Variants in GRIN2A observed in about 807,000 individuals in gnomAD.
GRIN2A encodes glutamate ionotropic receptor NMDA type subunit 2A.
GRIN2A carries 22 observed loss-of-function variants against 113.4 expected under a neutral mutation model. That is an observed-to-expected ratio of 0.19 (90% CI 0.14 to 0.28). The LOEUF (loss-of-function observed/expected upper bound fraction) is 0.28. Among genes scored for constraint, GRIN2A ranks in the 10% least tolerant of loss-of-function variants. The pLI, the probability that GRIN2A is intolerant of heterozygous loss-of-function variation, is 1.00. For missense variants in GRIN2A, 1,502 were observed against 1,887.0 expected (o/e 0.80, Z 3.78); for synonymous variants, 827 against 738.4 (o/e 1.12, Z -1.94).
intron 2 of GRIN2A, among the ~76,000 whole-genome samples, chr16:10,103,960 C>T (rs1338180228): frequency 6.6e-6 from 1 of 152,230 alleles, no homozygotes; most frequent in African/African-American, 2.4e-5. Context: ...TATTCAGGAA[C>T]CACTTCCAGC....
intron 2 of GRIN2A, among the ~76,000 whole-genome samples, chr16:10,122,258 C>T (rs554338697): frequency 7.7e-4 from 118 of 152,310 alleles, no homozygotes; most frequent in African/African-American, 2.7e-3. Flanking sequence ...ACAGGAGAAA[C>T]CTGGCACTGT....
intron 2 of GRIN2A, among the ~76,000 whole-genome samples, chr16:10,153,002 T>C (rs554171665): frequency 3.3e-5 from 5 of 152,326 alleles, no homozygotes; most frequent in Admixed American, 2.0e-4. Flanking sequence ...TATGTCACTA[T>C]AGTGGTGGAT....
At chr16:9,862,508 C>T (rs1015036864) in intron 4 of GRIN2A, among the ~76,000 whole-genome samples, 1 of 152,160 alleles carries the variant, frequency 6.6e-6, no homozygotes, top group Non-Finnish European at 1.5e-5. Context: ...AGGGGAAGAG[C>T]TCAATGCTTG....
chr16:9,921,785 C>G (rs1388147530), intron 3 of GRIN2A, among the ~76,000 whole-genome samples: 1 of 152,116 alleles, frequency 6.6e-6, no homozygotes, highest in Non-Finnish European at 1.5e-5. Context: ...CACAAAGAAC[C>G]TAGAAGGTGT....
At position 9,806,095 on chromosome 16, in the gene GRIN2A, G is replaced by A. The variant is rs186002762; in HGVS notation, c.2169-7631C>T. 5.3e-5 allele frequency among the ~76,000 whole-genome samples: 8 copies of A among 152,276 alleles called. No homozygotes were observed. In the East Asian group the frequency reaches 9.6e-4, roughly 18 times the overall value. On this transcript the variant is annotated intron_variant, in intron 10 of 12. Transcript: ENST00000330684. Reference sequence around the variant, plus strand: ...CTCCCTTAAGCTAATTTAATTCCTCGATCGATGTCTTGCATAGCGTAGTTA... The same window carrying A: ...CTCCCTTAAGCTAATTTAATTCCTCAATCGATGTCTTGCATAGCGTAGTTA...
At chr16:10,095,918 A>T (rs1245308395) in intron 2 of GRIN2A, among the ~76,000 whole-genome samples, 1 of 152,228 alleles carries the variant, frequency 6.6e-6, no homozygotes, top group African/African-American at 2.4e-5. Flanking sequence ...CAACTGGTGA[A>T]TCTGAATAAA....
intron 2 of GRIN2A, among the ~76,000 whole-genome samples, chr16:10,080,164 C>A (rs2142053645): frequency 6.6e-6 from 1 of 152,330 alleles, no homozygotes; most frequent in African/African-American, 2.4e-5. Flanking sequence ...ATATTCAGGG[C>A]TTAGCACTGA....
chr16:10,011,217 T>A (rs1162862771), intron 2 of GRIN2A, among the ~76,000 whole-genome samples: 1 of 152,176 alleles, frequency 6.6e-6, no homozygotes, highest in Non-Finnish European at 1.5e-5. Flanking sequence ...TTAAACTAAG[T>A]TTTTAATGCT....
intron 2 of GRIN2A, among the ~76,000 whole-genome samples, chr16:10,048,650 G>C (rs545621380): frequency 4.1e-4 from 63 of 152,134 alleles, no homozygotes; most frequent in Non-Finnish European, 8.1e-4. Flanking sequence ...CACTAACATA[G>C]CCCAGGTCTG....
intron 3 of GRIN2A, among the ~76,000 whole-genome samples, chr16:9,920,492 T>A (rs761074675): frequency 6.6e-6 from 1 of 152,158 alleles, no homozygotes; most frequent in Non-Finnish European, 1.5e-5. Flanking sequence ...GGATCCCTCC[T>A]CCTGCTGTCA....
At chr16:10,133,078 G>C (rs544613175) in intron 2 of GRIN2A, among the ~76,000 whole-genome samples, 4 of 151,914 alleles carry the variant, frequency 2.6e-5, no homozygotes, top group Non-Finnish European at 4.4e-5. Context: ...AATTATATTG[G>C]GCCCACCAGA....
intron 2 of GRIN2A, among the ~76,000 whole-genome samples, chr16:10,176,824 T>C (rs2050157153): frequency 6.6e-6 from 1 of 152,134 alleles, no homozygotes; most frequent in Non-Finnish European, 1.5e-5. Flanking sequence ...GTTGTGCACA[T>C]ATACCCTAGA....
chr16:9,942,253 C>T (rs982336364), intron 2 of GRIN2A, among the ~76,000 whole-genome samples: 8 of 152,134 alleles, frequency 5.3e-5, no homozygotes, highest in African/African-American at 1.9e-4. Context: ...CTCCCATAGG[C>T]CTACCATGTT....
intron 2 of GRIN2A, among the ~76,000 whole-genome samples, chr16:10,042,209 A>C (rs2047178248): frequency 6.6e-6 from 1 of 152,196 alleles, no homozygotes; most frequent in East Asian, 1.9e-4. Context: ...TTCAAAAGGT[A>C]AAGCTTAATC....
At chr16:10,094,474 A>C (rs1193377421) in intron 2 of GRIN2A, among the ~76,000 whole-genome samples, 1 of 151,432 alleles carries the variant, frequency 6.6e-6, no homozygotes, top group East Asian at 1.9e-4. Context: ...TTTGAGATGG[A>C]ATCTCGCTCT....
intron 10 of GRIN2A, among the ~76,000 whole-genome samples, chr16:9,811,001 G>A (rs894280057): frequency 1.3e-5 from 2 of 152,136 alleles, no homozygotes; most frequent in African/African-American, 4.8e-5. Flanking sequence ...TGAGCCCAGT[G>A]CCAGGAAAAC....
intron 2 of GRIN2A, among the ~76,000 whole-genome samples, chr16:10,164,376 G>A (rs564564015): frequency 3.3e-5 from 5 of 152,272 alleles, no homozygotes; most frequent in South Asian, 2.1e-4. Flanking sequence ...TCTGCGGGAC[G>A]GACCCCGCAA....
intron 2 of GRIN2A, among the ~76,000 whole-genome samples, chr16:10,077,502 C>T (rs1297332207): frequency 6.6e-6 from 1 of 152,206 alleles, no homozygotes; most frequent in Non-Finnish European, 1.5e-5. Context: ...CCACCTCTCA[C>T]CTGGATGACT....
chr16:9,928,408 C>T (rs183102310), intron 3 of GRIN2A, among the ~76,000 whole-genome samples: 283 of 152,302 alleles, frequency 1.9e-3, no homozygotes, highest in Middle Eastern at 6.8e-3. Context: ...GCACCTGCCC[C>T]TTTATACTTT....
Sources: allele counts gnomAD v4.1 joint callset (sites outside exome capture counted in the v4.1 genomes callset), GRCh38; gene constraint gnomAD v4.1.1; transcripts MANE v1.5; gene names NCBI Gene and HGNC (gene_info 2026-07-23, HGNC 2026-07-21).